The following GYG1 variants were observed in gnomAD, a reference collection of about 807,000 sequenced individuals.
GYG1 encodes glycogenin-1.
In GYG1, 44 loss-of-function variants were observed where a neutral mutation model predicts 41.9. That is an observed-to-expected ratio of 1.05 (90% CI 0.83 to 1.35). The LOEUF (loss-of-function observed/expected upper bound fraction) is 1.35. Ranked by LOEUF, GYG1 falls within the 40% of genes most tolerant of loss-of-function variation. The pLI is 0.00. For synonymous variants in GYG1, 141 were observed against 158.1 expected (o/e 0.89, Z 0.81); for missense variants, 429 against 418.9 (o/e 1.02, Z -0.21).
chr3:149,003,864 C>G (rs1713244907), intron 4 of GYG1: 1 of 152,186 alleles, frequency 6.6e-6, no homozygotes, highest in Non-Finnish European at 1.5e-5. Context: ...CAGCTGCCAG[C>G]AAACTGTGGA....
intron 4 of GYG1, among the ~76,000 whole-genome samples, chr3:148,998,805 T>G (rs939729897): frequency 7.2e-5 from 11 of 152,148 alleles, no homozygotes; most frequent in African/African-American, 2.7e-4. Flanking sequence ...AAGAGGAGAG[T>G]GTTTTTAGCA....
chr3:149,016,885 A>C (rs374604466), intron 5 of GYG1, among the ~76,000 whole-genome samples: 1 of 152,194 alleles, frequency 6.6e-6, no homozygotes, highest in Non-Finnish European at 1.5e-5. Context: ...GAGAAGGTGC[A>C]TGAGTGAGTC....
chr3:149,004,325 G>A (rs1469105559), intron 4 of GYG1, among the ~76,000 whole-genome samples: 7 of 152,128 alleles, frequency 4.6e-5, no homozygotes, highest in Non-Finnish European at 8.8e-5. Flanking sequence ...AAAATGTATC[G>A]GACAAAAGTT....
At chr3:149,023,994 T>G in intron 5 of GYG1, 59 bp from the exon 6 acceptor site, 2 of 1,196,040 alleles carry the variant, frequency 1.7e-6, no homozygotes, top group Non-Finnish European at 2.5e-6. Flanking sequence ...TAAGTGCTGC[T>G]TATCTTTTTG....
chr3:149,015,864 G>C (rs543001702), intron 5 of GYG1, among the ~76,000 whole-genome samples: 4 of 152,242 alleles, frequency 2.6e-5, no homozygotes, highest in African/African-American at 9.6e-5. Flanking sequence ...TGATGTTGGG[G>C]GTGGGGACAA....
chr3:149,025,567 C>G (rs746762890), intron 6 of GYG1, among the ~76,000 whole-genome samples: 17 of 152,088 alleles, frequency 1.1e-4, no homozygotes, highest in Non-Finnish European at 1.9e-4. Context: ...CCCTTAAAAC[C>G]ACTATATTAA....
rs1714727512 is a variant in GYG1, at chr3:149,027,615, A to G, written c.*682A>G. ...TGCAGTGGCACCCTGTACAAAAAAT[A>G]AAAGACTTATTGCTGTATCTTGGTT... On this transcript the variant is annotated 3_prime_UTR_variant, in exon 8 of 8. Transcript: ENST00000345003. The G allele has an allele frequency of 1.3e-5, 2 of 152,656 alleles. No homozygotes were observed. Among genetic ancestry groups the G allele is most frequent in the African/African-American group, 4.8e-5 (2 of 41,474 alleles). 9.5% of individuals were successfully genotyped at this position (152,656 alleles called of 1,614,324 possible).
intron 6 of GYG1, 114 bp downstream of exon 6, chr3:149,024,386 T>C: frequency 1.3e-6 from 1 of 744,094 alleles, no homozygotes; most frequent in Non-Finnish European, 2.4e-6. Flanking sequence ...TAAATAAAAT[T>C]TTGTGGAAAG....
chr3:149,017,499 A>G (rs1458720532), intron 5 of GYG1, among the ~76,000 whole-genome samples: 2 of 151,356 alleles, frequency 1.3e-5, no homozygotes, highest in East Asian at 1.9e-4. Flanking sequence ...GGTCAGTTCA[A>G]CGCTATCTTC....
At chr3:149,021,618 A>G (rs1714378168) in intron 5 of GYG1, among the ~76,000 whole-genome samples, 1 of 152,152 alleles carries the variant, frequency 6.6e-6, no homozygotes, top group South Asian at 2.1e-4. Context: ...GACCTTGGGC[A>G]TCTCACTTCA....
intron 4 of GYG1, among the ~76,000 whole-genome samples, chr3:148,999,721 C>T (rs116621660): frequency 0.018 from 2,667 of 152,076 alleles, 79 homozygotes; most frequent in African/African-American, 0.062. Flanking sequence ...AGTAAATAGT[C>T]TTAAATATAA....
chr3:149,000,536 T>A (rs950755629), intron 4 of GYG1, among the ~76,000 whole-genome samples: 1 of 152,248 alleles, frequency 6.6e-6, no homozygotes, highest in Non-Finnish European at 1.5e-5. Context: ...TGAACTTGAC[T>A]CTGAAGAAAT....
rs768112881 is a variant in GYG1, at chr3:148,994,267, G to C, written c.133G>C (p.Asp45His). 6.2e-7 allele frequency: 1 copy of C among 1,613,986 alleles called. No individual in the cohort carries two copies. Among genetic ancestry groups the C allele is most frequent in the East Asian group, 2.2e-5 (1 of 44,896 alleles). The change falls in exon 2 of 8, where the codon GAC (aspartate) becomes CAC (histidine). Residue 45 changes from aspartate to histidine, a missense_variant. By Grantham distance (81) the Asp-to-His change is moderately conservative. Coordinates refer to ENST00000345003, the MANE Select transcript of GYG1 (RefSeq NM_004130.4). The stretch of plus-strand genomic sequence containing the variant: ...CGTGCTCGCCACCCCTCAGGTCTCA[G>C]ACTCCATGAGGTGAGGACCTCGCTG... ...LVVLATPQVSDSMRKVLETVF... is the reference protein window; with the variant it reads ...LVVLATPQVSHSMRKVLETVF...
chr3:149,009,020 G>A (rs375653744), intron 4 of GYG1: 351 of 393,848 alleles, frequency 8.9e-4, no homozygotes, highest in Non-Finnish European at 1.1e-3. Flanking sequence ...ATTGCCTGAC[G>A]TGGTGGCATG....
In GYG1 at chr3:149,010,327, CTTTT is replaced by C. The variant is rs11480779; in HGVS notation, c.608+940_608+943del. Among the ~76,000 whole-genome samples the C allele has an allele frequency of 4.0e-3, 518 of 129,430 alleles. 1 individual carries two copies. The highest frequency in any genetic ancestry group is 0.016 in the African/African-American group (500 of 32,136). 84.9% of individuals were successfully genotyped at this position (129,430 alleles called of 152,430 possible). On this transcript the variant is annotated intron_variant, in intron 5 of 7. Coordinates refer to ENST00000345003, the MANE Select transcript of GYG1 (RefSeq NM_004130.4). ...AGCACGCACAGTCCCTGGTGCAGTTCTTTTTTTTTTTTTTTTTTGAGACGAAGTC... is the reference window on the plus strand; with the variant it reads ...AGCACGCACAGTCCCTGGTGCAGTTCTTTTTTTTTTTTTTGAGACGAAGTC...
At chr3:149,006,416 A>C (rs1052845014) in intron 4 of GYG1, among the ~76,000 whole-genome samples, 3 of 152,134 alleles carry the variant, frequency 2.0e-5, no homozygotes, top group African/African-American at 7.2e-5. Context: ...TACATCTGTC[A>C]TTCTTTCCCT....
intron 5 of GYG1, among the ~76,000 whole-genome samples, chr3:149,015,754 TG>T (rs932754302): frequency 1.3e-5 from 2 of 152,024 alleles, no homozygotes; most frequent in African/African-American, 4.8e-5. Context: ...TCTGCTCTAA[TG>T]GGGTGGCAGC....
intron 4 of GYG1, chr3:149,000,970 A>G (rs1713060370): frequency 6.6e-6 from 1 of 152,308 alleles, no homozygotes; most frequent in East Asian, 1.9e-4. Flanking sequence ...AATGTTTTAA[A>G]ATAATGTTTA....
intron 7 of GYG1, 107 bp downstream of exon 7, chr3:149,026,609 T>C: frequency 9.9e-7 from 1 of 1,009,134 alleles, no homozygotes; most frequent in Non-Finnish European, 1.6e-6. Context: ...TCTATATTTT[T>C]GTGTCTTTTT....
Sources: gnomAD v4.1 joint callset for allele counts (sites outside exome capture counted in the v4.1 genomes callset) on GRCh38, gnomAD v4.1.1 for gene constraint, MANE v1.5 for transcripts, NCBI Gene and HGNC (gene_info 2026-07-23, HGNC 2026-07-21) for gene names.